Variants in KATNBL1 observed in about 807,000 individuals in gnomAD.
KATNBL1 encodes the protein katanin regulatory subunit B1 like 1.
KATNBL1 carries 28 observed loss-of-function variants against 44.7 expected under a neutral mutation model. The ratio of observed to expected loss-of-function variants is 0.63; its 90% CI spans 0.46 to 0.86. The LOEUF (loss-of-function observed/expected upper bound fraction) is 0.86. KATNBL1 is among the 40% of genes least tolerant of loss of function. The pLI, the probability that KATNBL1 is intolerant of heterozygous loss-of-function variation, is 0.00. For synonymous variants in KATNBL1, 78 were observed against 114.9 expected (o/e 0.68, Z 2.06); for missense variants, 272 against 350.7 (o/e 0.78, Z 1.79).
chr15:34,176,324 GC>G, intron 1 of KATNBL1, among the ~76,000 whole-genome samples: 1 of 152,032 alleles, frequency 6.6e-6, no homozygotes, highest in Middle Eastern at 3.4e-3. Flanking sequence ...TTTGCAGTGA[GC>G]CCAGATCACG....
intron 1 of KATNBL1, among the ~76,000 whole-genome samples, chr15:34,199,404 T>G (rs954130292): frequency 1.1e-4 from 16 of 152,284 alleles, no homozygotes; most frequent in African/African-American, 3.6e-4. Flanking sequence ...GCCACTGCAC[T>G]CCAGCCTAGA....
intron 2 of KATNBL1, among the ~76,000 whole-genome samples, chr15:34,156,960 T>C (rs552098791): frequency 6.6e-6 from 1 of 152,312 alleles, no homozygotes; most frequent in South Asian, 2.1e-4. Context: ...AAGCTTTGTA[T>C]TGGGAAGGCA....
chr15:34,144,843 A>T (rs76244829), intron 9 of KATNBL1: 27,833 of 159,550 alleles, frequency 0.17, 2,716 homozygotes, highest in Middle Eastern at 0.32. Context: ...CTAGGATTAC[A>T]GGCGTAAGCC....
chr15:34,184,649 T>C (rs1474900188), intron 1 of KATNBL1, among the ~76,000 whole-genome samples: 1 of 143,922 alleles, frequency 6.9e-6, no homozygotes, highest in Admixed American at 7.1e-5. Flanking sequence ...CTCGGCTTAC[T>C]GCAAGCTCCG....
At chr15:34,186,074 G>A (rs749465973) in intron 1 of KATNBL1, among the ~76,000 whole-genome samples, 1 of 152,062 alleles carries the variant, frequency 6.6e-6, no homozygotes, top group Non-Finnish European at 1.5e-5. Flanking sequence ...GGGACAATTG[G>A]GCCATTTCAG....
At chr15:34,158,730 A>T (rs1171960611) in intron 2 of KATNBL1, among the ~76,000 whole-genome samples, 1 of 152,174 alleles carries the variant, frequency 6.6e-6, no homozygotes, top group East Asian at 1.9e-4. Flanking sequence ...TAATGCAAAC[A>T]ATTTACATGT....
At chr15:34,162,260 G>A (rs922574079) in intron 2 of KATNBL1, among the ~76,000 whole-genome samples, 15 of 152,206 alleles carry the variant, frequency 9.9e-5, no homozygotes, top group African/African-American at 2.4e-4. Flanking sequence ...TCATGGGGGC[G>A]GTTTCCCCAA....
At chr15:34,154,541 G>C in intron 3 of KATNBL1, 103 bp downstream of exon 3, 1 of 759,702 alleles carries the variant, frequency 1.3e-6, no homozygotes, top group Non-Finnish European at 2.3e-6. Context: ...TTGACAATAA[G>C]TTAATTATTA....
chr15:34,193,758 A>C (rs1472296666), intron 1 of KATNBL1, among the ~76,000 whole-genome samples: 1 of 144,852 alleles, frequency 6.9e-6, no homozygotes, highest in Non-Finnish European at 1.5e-5. Context: ...ACGCTGAGGC[A>C]GGAGGGTCGC....
intron 1 of KATNBL1, among the ~76,000 whole-genome samples, chr15:34,166,691 C>T (rs948523765): frequency 7.9e-5 from 12 of 152,164 alleles, no homozygotes; most frequent in Admixed American, 3.3e-4. Flanking sequence ...TAGTAGAGGC[C>T]GACTGACACC....
At chr15:34,184,716 G>A (rs1301688761) in intron 1 of KATNBL1, among the ~76,000 whole-genome samples, 2 of 151,182 alleles carry the variant, frequency 1.3e-5, no homozygotes, top group Non-Finnish European at 2.9e-5. Context: ...GGGACTACAG[G>A]CGCCCGCCAC....
chr15:34,162,583 G>C (rs146693539), intron 2 of KATNBL1, among the ~76,000 whole-genome samples: 1 of 152,160 alleles, frequency 6.6e-6, no homozygotes, highest in African/African-American at 2.4e-5. Context: ...TGCTTAACAA[G>C]TGAGTTAAAT....
intron 9 of KATNBL1, chr15:34,143,139 T>G (rs1888199448): frequency 1.7e-6 from 1 of 586,758 alleles, no homozygotes; most frequent in Non-Finnish European, 2.6e-6. Flanking sequence ...TAATAAATGG[T>G]ACCTTAAAGT....
chr15:34,166,317 C>T (rs759364529), intron 1 of KATNBL1, among the ~76,000 whole-genome samples: 3 of 152,244 alleles, frequency 2.0e-5, no homozygotes, highest in Admixed American at 6.5e-5. Context: ...CCCACGCCCA[C>T]GGAGCCTTGC....
chr15:34,190,927 G>A (rs1039020074), intron 1 of KATNBL1, among the ~76,000 whole-genome samples: 1 of 152,090 alleles, frequency 6.6e-6, no homozygotes, highest in African/African-American at 2.4e-5. Flanking sequence ...CTTTGGGATA[G>A]ATGACTCAGT....
At chr15:34,199,116 A>T (rs1324646486) in intron 1 of KATNBL1, among the ~76,000 whole-genome samples, 2 of 152,194 alleles carry the variant, frequency 1.3e-5, no homozygotes, top group African/African-American at 2.4e-5. Context: ...ATTGTCTACT[A>T]TACTTGTTAG....
intron 8 of KATNBL1, 71 bp downstream of exon 8, chr15:34,146,690 T>C: frequency 2.4e-6 from 2 of 834,302 alleles, no homozygotes; most frequent in Non-Finnish European, 2.1e-6. Flanking sequence ...GATAAAATTA[T>C]TACCTAGTTT....
At chr15:34,190,695 C>T (rs1453920503) in intron 1 of KATNBL1, among the ~76,000 whole-genome samples, 1 of 151,998 alleles carries the variant, frequency 6.6e-6, no homozygotes. Flanking sequence ...TCAATTTTAG[C>T]ATCAAAAAAA....
At chr15:34,206,745 C>T (rs188725537) in intron 1 of KATNBL1, among the ~76,000 whole-genome samples, 12 of 151,448 alleles carry the variant, frequency 7.9e-5, no homozygotes, top group Non-Finnish European at 1.5e-4. Context: ...GAGTCAAGAT[C>T]TTGCCACTGT....
Sources: allele counts gnomAD v4.1 joint callset (sites outside exome capture counted in the v4.1 genomes callset), GRCh38; gene constraint gnomAD v4.1.1; transcripts MANE v1.5; gene names NCBI Gene and HGNC (gene_info 2026-07-23, HGNC 2026-07-21).